The following ZNF469 variants were observed in gnomAD, a reference collection of about 807,000 sequenced individuals.
ZNF469 encodes zinc finger protein 469.
ZNF469 carries 1 observed loss-of-function variant against 1.0 expected under a neutral mutation model. The ratio of observed to expected loss-of-function variants is 1.00; its 90% CI spans 0.35 to 4.73. The LOEUF is 4.73. Ranked by LOEUF, ZNF469 falls within the 30% of genes most tolerant of loss-of-function variation. The pLI is 0.16. For missense variants in ZNF469, 6,100 were observed against 5,356.3 expected (o/e 1.14, Z -4.33); for synonymous variants, 2,703 against 2,363.4 (o/e 1.14, Z -4.17).
Position 88,431,326 on chromosome 16 carries a change from A to G in ZNF469, c.3856A>G (p.Asn1286Asp). The G allele has an allele frequency of 7.7e-6, 12 of 1,549,582 alleles. No homozygotes were observed. Among genetic ancestry groups the G allele is most frequent in the Non-Finnish European group, 1.0e-5 (12 of 1,146,624 alleles). ...GTPKPSGSLA[N>D]TAPHGSSPTP... Reference sequence around the variant, plus strand: ...CCCCAAGCCGTCGGGAAGCCTCGCCAACACGGCGCCCCACGGAAGCTCGCC... The same window carrying G: ...CCCCAAGCCGTCGGGAAGCCTCGCCGACACGGCGCCCCACGGAAGCTCGCC... Residue 1286 changes from asparagine (N) to aspartate (D), a missense_variant, in exon 3 of 3, where the codon AAC (asparagine) becomes GAC (aspartate). Coordinates refer to ENST00000565624, the MANE Select transcript of ZNF469 (RefSeq NM_001367624.2).
chr16:88,176,994 G>A, the ZNF469 span, among the ~76,000 whole-genome samples: 1 of 152,270 alleles, frequency 6.6e-6, no homozygotes, highest in Non-Finnish European at 1.5e-5. Context: ...CCGGGAATGG[G>A]ATGGGCTTTT....
intron 1 of ZNF469, among the ~76,000 whole-genome samples, chr16:88,411,483 G>T (rs1905162318): frequency 2.0e-4 from 1 of 4,910 alleles, no homozygotes; most frequent in African/African-American, 3.2e-4. Flanking sequence ...CAAGCAGGCA[G>T]GGGTGCGAGC....
At chr16:88,188,251 G>C in the ZNF469 span, among the ~76,000 whole-genome samples, 1 of 151,838 alleles carries the variant, frequency 6.6e-6, no homozygotes, top group Non-Finnish European at 1.5e-5. Context: ...CTCTCCCCCA[G>C]AGCACCACAG....
At chr16:88,415,229 C>T (rs1368880275) in intron 1 of ZNF469, among the ~76,000 whole-genome samples, 1 of 152,194 alleles carries the variant, frequency 6.6e-6, no homozygotes, top group Non-Finnish European at 1.5e-5. Context: ...ATCTCAGGAT[C>T]TGTCAGGCCA....
the ZNF469 span, among the ~76,000 whole-genome samples, chr16:88,175,191 C>T: frequency 6.6e-6 from 1 of 152,136 alleles, no homozygotes; most frequent in Non-Finnish European, 1.5e-5. Context: ...CTGCAAAATC[C>T]CCGCACAGCA....
chr16:88,276,178 T>C, the ZNF469 span, among the ~76,000 whole-genome samples: 4 of 152,148 alleles, frequency 2.6e-5, 1 homozygote, highest in South Asian at 6.2e-4. Context: ...ACGAGGCCCC[T>C]GCACAGGAGT....
the ZNF469 span, among the ~76,000 whole-genome samples, chr16:88,356,510 G>A: frequency 5.3e-5 from 8 of 151,506 alleles, no homozygotes; most frequent in Admixed American, 5.3e-4. Flanking sequence ...GTGTACATGT[G>A]CCTGTGTGTG....
chr16:88,394,671 C>G (rs1273723748), intron 1 of ZNF469, among the ~76,000 whole-genome samples: 1 of 152,186 alleles, frequency 6.6e-6, no homozygotes, highest in Non-Finnish European at 1.5e-5. Context: ...GCTGGAGGTA[C>G]CTTGTCATTT....
intron 1 of ZNF469, among the ~76,000 whole-genome samples, chr16:88,393,340 C>T (rs527267341): frequency 2.6e-5 from 4 of 152,364 alleles, no homozygotes; most frequent in African/African-American, 4.8e-5. Flanking sequence ...CGCTCAGGGC[C>T]TGCCTGGAGC....
the ZNF469 span, among the ~76,000 whole-genome samples, chr16:88,248,154 CAAGGAGAGA>C: frequency 1.3e-5 from 2 of 151,896 alleles, no homozygotes; most frequent in African/African-American, 4.8e-5. Context: ...GTGGGATACA[CAAGGAGAGA>C]AATAGAATTG....
chr16:88,383,550 C>T (rs141856093), intron 1 of ZNF469, among the ~76,000 whole-genome samples: 7,847 of 150,008 alleles, frequency 0.052, 295 homozygotes, highest in East Asian at 0.15. Flanking sequence ...GCTCCGTGGG[C>T]AGTTTGGGAA....
the ZNF469 span, among the ~76,000 whole-genome samples, chr16:88,319,628 C>G: frequency 6.6e-6 from 1 of 152,164 alleles, no homozygotes; most frequent in Non-Finnish European, 1.5e-5. Flanking sequence ...CCCTGCCACC[C>G]TTCTCCTCCC....
chr16:88,440,676 G>A lies in ZNF469; in HGVS notation c.*1344G>A, dbSNP rs1906934121. On this transcript the variant is annotated 3_prime_UTR_variant, in exon 3 of 3. Transcript: ENST00000565624. ...CTCCGGAGTGTCGCAAACCAAGTGC[G>A]GAGGGGCCCTGAGGTTGTACTGTAA... is the stretch of plus-strand genomic sequence containing the variant. 6.6e-6 allele frequency: 1 copy of A among 152,164 alleles called. No homozygotes were observed. The highest frequency in any genetic ancestry group is 1.5e-5 in the Non-Finnish European group (1 of 68,028). The allele number at this position is 152,164 out of a possible 1,614,324, so 9.4% of individuals were successfully genotyped here.
At chr16:88,193,926 C>T in the ZNF469 span, among the ~76,000 whole-genome samples, 1 of 152,124 alleles carries the variant, frequency 6.6e-6, no homozygotes, top group Admixed American at 6.5e-5. Flanking sequence ...TTAATGAGGG[C>T]TCTGCTTCTT....
At chr16:88,309,331 G>A in the ZNF469 span, among the ~76,000 whole-genome samples, 2 of 152,246 alleles carry the variant, frequency 1.3e-5, no homozygotes, top group Non-Finnish European at 2.9e-5. Context: ...GGGCCAGGAG[G>A]AGCACAGTGT....
the ZNF469 span, among the ~76,000 whole-genome samples, chr16:88,350,014 G>A: frequency 3.8e-3 from 564 of 148,614 alleles, 2 homozygotes; most frequent in African/African-American, 0.013. Flanking sequence ...CACGCACAGC[G>A]TACAGACCAT....
At position 88,437,764 on chromosome 16, in the gene ZNF469, C is replaced by G; in HGVS notation, c.10294C>G (p.Gln3432Glu). 1 of 1,549,534 alleles carries G rather than the reference C, an allele frequency of 6.5e-7. No homozygotes were observed. Among genetic ancestry groups the G allele is most frequent in the Non-Finnish European group, 8.7e-7 (1 of 1,146,442 alleles). Residue 3432 changes from glutamine (Q) to glutamate (E), a missense_variant, in exon 3 of 3, where the codon CAG becomes GAG. Gln to Glu is a conservative substitution (Grantham distance 29). Transcript: ENST00000565624. ...CAACTACACCTTCGCCAAGAAGGAG[C>G]AGTTCGACCGCCACATGAACAAGCA... ...SCNYTFAKKEQFDRHMNKHLR... is the reference protein window; with the variant it reads ...SCNYTFAKKEEFDRHMNKHLR...
chr16:88,287,389 G>A, the ZNF469 span, among the ~76,000 whole-genome samples: 1 of 152,324 alleles, frequency 6.6e-6, no homozygotes, highest in East Asian at 1.9e-4. Context: ...TTGCATTGTA[G>A]ACAGTGGTTG....
At chr16:88,237,615 G>C in the ZNF469 span, among the ~76,000 whole-genome samples, 404 of 3,110 alleles carry the variant, frequency 0.13, 45 homozygotes, top group South Asian at 0.17. Context: ...GCTCCTGCCA[G>C]TCACCCTCCC....
Sources: allele counts gnomAD v4.1 joint callset (sites outside exome capture counted in the v4.1 genomes callset), GRCh38; gene constraint gnomAD v4.1.1; transcripts MANE v1.5; gene names NCBI Gene and HGNC (gene_info 2026-07-23, HGNC 2026-07-21).